AAMDC: variants seen among roughly 807,000 people sequenced by gnomAD.
AAMDC encodes adipogenesis associated Mth938 domain containing, also known as mth938 domain-containing protein.
In AAMDC, 16 loss-of-function variants were observed where a neutral mutation model predicts 15.5. The observed-to-expected ratio is 1.03, with a 90% CI of 0.70 to 1.57. The LOEUF is 1.57. Ranked by LOEUF, AAMDC falls within the 40% of genes most tolerant of loss-of-function variation. The pLI, the probability that AAMDC is intolerant of heterozygous loss-of-function variation, is 0.00. For missense variants in AAMDC, 141 were observed against 144.9 expected (o/e 0.97, Z 0.14); for synonymous variants, 51 against 51.6 (o/e 0.99, Z 0.05).
chr11:77,890,369 G>C (rs1204998039), intron 5 of AAMDC, among the ~76,000 whole-genome samples: 1 of 151,908 alleles, frequency 6.6e-6, no homozygotes, highest in Non-Finnish European at 1.5e-5. Context: ...CTATTTTTCT[G>C]TCCCCTTATT....
Position 77,872,338 on chromosome 11 carries a change from A to G in AAMDC, c.*23A>G. On this transcript the variant is annotated 3_prime_UTR_variant, in exon 4 of 4. Transcript: ENST00000393427. ...TGATGGAGCCTTAAGAGGAGAATAA[A>G]TCACTAAGTGCCTATGCCTGTGACT... 2 of 1,600,646 alleles carry G rather than the reference A, an allele frequency of 1.2e-6. No homozygotes were observed. Among genetic ancestry groups the G allele is most frequent in the Non-Finnish European group, 1.7e-6 (2 of 1,174,250 alleles).
downstream of AAMDC, chr11:77,900,815 T>C (rs1488711647): frequency 1.7e-6 from 1 of 587,340 alleles, no homozygotes; most frequent in Non-Finnish European, 3.0e-6. Flanking sequence ...CTTACAGATA[T>C]AATTACACTG....
Position 77,825,548 on chromosome 11 carries a change from T to A in AAMDC, c.-19+4307T>A, listed in dbSNP as rs530026963. Among the ~76,000 whole-genome samples the A allele has an allele frequency of 8.3e-4, 126 of 152,224 alleles. 1 individual carries two copies. Among genetic ancestry groups the A allele is most frequent in the African/African-American group, 3.0e-3 (125 of 41,522 alleles). On this transcript the variant is annotated intron_variant, in intron 1 of 3. Coordinates refer to ENST00000393427, the MANE Select transcript of AAMDC (RefSeq NM_024684.4). ...TCTTTGAGATAGTTTAATAAGAAGA[T>A]GTATGAAAATAAAAGGAAGCCCTAA... is the stretch of plus-strand genomic sequence containing the variant.
intron 2 of AAMDC, chr11:77,869,311 TC>T (rs375287270): frequency 0.014 from 1,842 of 134,548 alleles, 31 homozygotes; most frequent in Middle Eastern, 0.034. Context: ...TATCTCTTTT[TC>T]TTTTTTTTTT....
intron 5 of AAMDC, among the ~76,000 whole-genome samples, chr11:77,879,766 G>C (rs1170886490): frequency 6.6e-6 from 1 of 152,170 alleles, no homozygotes; most frequent in East Asian, 1.9e-4. Context: ...TTTGGTTGAG[G>C]AAACAGATAG....
intron 1 of AAMDC, 144 bp from the exon 2 acceptor site, chr11:77,842,335 A>G: frequency 2.7e-6 from 2 of 733,650 alleles, no homozygotes; most frequent in South Asian, 2.1e-5. Context: ...GTTACTTTTT[A>G]GACCTCTAAA....
At chr11:77,830,524 T>C (rs1420144939) in intron 1 of AAMDC, among the ~76,000 whole-genome samples, 3 of 126,704 alleles carry the variant, frequency 2.4e-5, no homozygotes, top group Admixed American at 9.3e-5. Context: ...GCCTAATAAA[T>C]ATGGAGGGCT....
chr11:77,838,815 A>C (rs1241642025), intron 1 of AAMDC, among the ~76,000 whole-genome samples: 2 of 151,890 alleles, frequency 1.3e-5, no homozygotes, highest in African/African-American at 2.4e-5. Context: ...ACGGAGTTTC[A>C]CCGTGTTAGC....
In AAMDC at chr11:77,878,714, A is replaced by G. The variant is rs1221323016; in HGVS notation, c.328+1665A>G. 4 of 695,378 alleles carry G rather than the reference A, an allele frequency of 5.8e-6. No homozygotes were observed. In the East Asian group the frequency reaches 8.1e-5, roughly 14 times the overall value. The allele number at this position is 695,378 out of a possible 1,614,324, so 43.1% of individuals were successfully genotyped here. A position where few individuals can be genotyped will look rare whatever the true frequency, so the allele number is the denominator to read the frequency against. On this transcript the variant is annotated intron_variant, in intron 5 of 5. Coordinates refer to the AAMDC transcript ENST00000304716. Reference sequence around the variant, plus strand: ...CATTTCTTTACAGACCAGGAACTAGAACAGCTTGGTGTTTTCTCAACTTTA... The same window carrying G: ...CATTTCTTTACAGACCAGGAACTAGGACAGCTTGGTGTTTTCTCAACTTTA...
intron 5 of AAMDC, among the ~76,000 whole-genome samples, chr11:77,895,310 T>G (rs1265232730): frequency 6.6e-6 from 1 of 152,060 alleles, no homozygotes; most frequent in African/African-American, 2.4e-5. Flanking sequence ...AAACAAATAC[T>G]CTTTCCTTAT....
intron 2 of AAMDC, among the ~76,000 whole-genome samples, chr11:77,862,526 T>A (rs79268342): frequency 1.3e-5 from 2 of 152,100 alleles, no homozygotes; most frequent in Non-Finnish European, 2.9e-5. Flanking sequence ...ATATTGGCAC[T>A]CTTTGGTTCA....
intron 1 of AAMDC, among the ~76,000 whole-genome samples, chr11:77,836,843 TA>T (rs1461664888): frequency 1.3e-5 from 2 of 152,108 alleles, no homozygotes; most frequent in Non-Finnish European, 2.9e-5. Context: ...TGGGCACCTG[TA>T]ATCCTAACTT....
intron 5 of AAMDC, chr11:77,883,777 T>C: frequency 1.3e-6 from 2 of 1,587,544 alleles, no homozygotes; most frequent in East Asian, 2.3e-5. Context: ...CGCTTAAGGG[T>C]AGGTGTGATC....
At chr11:77,872,912 C>G (rs1054901087), downstream of AAMDC, among the ~76,000 whole-genome samples, 4 of 152,198 alleles carry the variant, frequency 2.6e-5, no homozygotes, top group South Asian at 2.1e-4. Flanking sequence ...AATGGTGCCA[C>G]TGCACTCCAG....
intron 5 of AAMDC, among the ~76,000 whole-genome samples, chr11:77,886,051 T>A (rs1197480963): frequency 1.3e-5 from 2 of 151,176 alleles, no homozygotes; most frequent in African/African-American, 2.4e-5. Flanking sequence ...ACAAAAAAAA[T>A]TAAAATTAGC....
At chr11:77,872,152 T>G in intron 3 of AAMDC, 23 bp from the exon 4 acceptor site, 1 of 1,607,040 alleles carries the variant, frequency 6.2e-7, no homozygotes, top group East Asian at 2.2e-5. Flanking sequence ...CCCTACTTAC[T>G]CATCTCTTTT....
intron 5 of AAMDC, among the ~76,000 whole-genome samples, chr11:77,887,756 C>T (rs960350781): frequency 6.6e-6 from 1 of 152,178 alleles, no homozygotes; most frequent in Non-Finnish European, 1.5e-5. Flanking sequence ...GCAAAAATCA[C>T]AAGCATTCTT....
chr11:77,852,325 C>T (rs757433428), intron 2 of AAMDC, among the ~76,000 whole-genome samples: 11 of 151,044 alleles, frequency 7.3e-5, no homozygotes, highest in Admixed American at 2.0e-4. Context: ...ATTTGACATA[C>T]GGAATTTGGT....
intron 1 of AAMDC, among the ~76,000 whole-genome samples, chr11:77,833,482 G>A (rs1355455292): frequency 6.6e-6 from 1 of 152,100 alleles, no homozygotes; most frequent in African/African-American, 2.4e-5. Flanking sequence ...GTGTCAGGAG[G>A]TAGAGCTCGG....
Sources: gnomAD v4.1 joint callset for allele counts (sites outside exome capture counted in the v4.1 genomes callset) on GRCh38, gnomAD v4.1.1 for gene constraint, MANE v1.5 for transcripts, NCBI Gene and HGNC (gene_info 2026-07-23, HGNC 2026-07-21) for gene names.